The following PPP2R2C variants were observed in gnomAD, a reference collection of about 807,000 sequenced individuals.
The protein encoded by PPP2R2C is protein phosphatase 2 regulatory subunit Bgamma, also known as protein phosphatase 2, regulatory subunit B, gamma.
Under a neutral mutation model 45.3 loss-of-function variants are expected in PPP2R2C, and 10 were observed. The ratio of observed to expected loss-of-function variants is 0.22; its 90% CI spans 0.14 to 0.37. The LOEUF (loss-of-function observed/expected upper bound fraction) is 0.37, where lower values mean the gene tolerates loss of function less well. Ranked by LOEUF, PPP2R2C falls within the 10% of genes least tolerant of loss-of-function variation. The pLI is 1.00. For missense variants in PPP2R2C, 308 were observed against 619.7 expected (o/e 0.50, Z 5.34); for synonymous variants, 257 against 245.4 (o/e 1.05, Z -0.44).
chr4:6,522,831 GAGAC>G (rs1359694852), intron 2 of PPP2R2C, among the ~76,000 whole-genome samples: 3 of 152,248 alleles, frequency 2.0e-5, no homozygotes, highest in African/African-American at 7.2e-5. Context: ...GCCCAGGAGG[GAGAC>G]AGACAAACAG....
chr4:6,518,498 A>G (rs1024822303), intron 2 of PPP2R2C, among the ~76,000 whole-genome samples: 2 of 152,252 alleles, frequency 1.3e-5, no homozygotes, highest in Non-Finnish European at 2.9e-5. Context: ...TTCAAAGGAT[A>G]ATCAAGTAAC....
intron 2 of PPP2R2C, among the ~76,000 whole-genome samples, chr4:6,528,706 C>A (rs1724294677): frequency 6.6e-6 from 1 of 152,166 alleles, no homozygotes; most frequent in South Asian, 2.1e-4. Flanking sequence ...CATTCCACCA[C>A]AAAAGAAGTG....
intron 1 of PPP2R2C, among the ~76,000 whole-genome samples, chr4:6,422,632 C>T (rs545982982): frequency 6.6e-6 from 1 of 152,306 alleles, no homozygotes; most frequent in Non-Finnish European, 1.5e-5. Flanking sequence ...GCTGTCTTCT[C>T]CCTGTGTCTT....
chr4:6,382,911 A>G (rs1369135983), intron 1 of PPP2R2C: 1 of 1,087,954 alleles, frequency 9.2e-7, no homozygotes, highest in Admixed American at 4.9e-5. Flanking sequence ...AGCGGCTCCC[A>G]TTGTGTACTC....
intron 2 of PPP2R2C, 134 bp downstream of exon 2, chr4:6,380,863 G>C (rs1715726541): frequency 1.5e-6 from 2 of 1,343,904 alleles, no homozygotes; most frequent in South Asian, 3.3e-5. Flanking sequence ...TTGTGGGTTG[G>C]AGTATAGTCC....
At chr4:6,354,269 G>A (rs1712931209) in intron 5 of PPP2R2C, among the ~76,000 whole-genome samples, 1 of 151,772 alleles carries the variant, frequency 6.6e-6, no homozygotes. Flanking sequence ...TGCTGCCCCT[G>A]CCTGCTCTTC....
chr4:6,327,952 G>C (rs1030465714), intron 8 of PPP2R2C, among the ~76,000 whole-genome samples: 3 of 151,364 alleles, frequency 2.0e-5, no homozygotes, highest in Admixed American at 6.6e-5. Flanking sequence ...GCTCCCTCCT[G>C]GTCCTGTCTC....
chr4:6,399,136 G>A (rs1250128640), intron 1 of PPP2R2C, among the ~76,000 whole-genome samples: 3 of 152,188 alleles, frequency 2.0e-5, no homozygotes, highest in African/African-American at 7.2e-5. Context: ...CGTTTTGTGG[G>A]TGAAGGCCAT....
intron 1 of PPP2R2C, among the ~76,000 whole-genome samples, chr4:6,546,792 C>T (rs973108655): frequency 6.6e-6 from 1 of 152,238 alleles, no homozygotes; most frequent in African/African-American, 2.4e-5. Context: ...CAGCGACAGA[C>T]TTAAATCATG....
At chr4:6,437,382 C>A (rs1310987212) in intron 1 of PPP2R2C, among the ~76,000 whole-genome samples, 2 of 152,350 alleles carry the variant, frequency 1.3e-5, no homozygotes, top group East Asian at 1.9e-4. Flanking sequence ...GGATCTGAGA[C>A]AGAAGGCCTG....
chr4:6,487,556 G>C (rs1333400383), intron 2 of PPP2R2C, among the ~76,000 whole-genome samples: 5 of 151,948 alleles, frequency 3.3e-5, no homozygotes, highest in Admixed American at 3.3e-4. Flanking sequence ...TTATTTTCTA[G>C]AGAAATCTGC....
intron 1 of PPP2R2C, chr4:6,384,514 CA>C (rs1168591688): frequency 3.8e-5 from 37 of 976,112 alleles, no homozygotes; most frequent in Non-Finnish European, 4.1e-5. Context: ...GAGGTACAAT[CA>C]ATATATAAAA....
At chr4:6,341,814 A>G (rs1471146026) in intron 6 of PPP2R2C, among the ~76,000 whole-genome samples, 1 of 152,118 alleles carries the variant, frequency 6.6e-6, no homozygotes, top group Non-Finnish European at 1.5e-5. Flanking sequence ...TAGTAGCTGG[A>G]AAAGATCAGA....
intron 1 of PPP2R2C, among the ~76,000 whole-genome samples, chr4:6,423,963 G>A (rs183669501): frequency 1.5e-4 from 23 of 152,112 alleles, no homozygotes; most frequent in Non-Finnish European, 2.1e-4. Context: ...GACTGATTTC[G>A]TCCATTCACT....
At chr4:6,550,030 C>T (rs887947001) in intron 1 of PPP2R2C, among the ~76,000 whole-genome samples, 15 of 152,240 alleles carry the variant, frequency 9.9e-5, no homozygotes, top group Middle Eastern at 3.4e-3. Context: ...ACCTTGTCAC[C>T]GCAGCACGAG....
chr4:6,327,216 G>T (rs1235835887), intron 8 of PPP2R2C, among the ~76,000 whole-genome samples: 1 of 152,210 alleles, frequency 6.6e-6, no homozygotes, highest in Non-Finnish European at 1.5e-5. Context: ...CCCACCCATT[G>T]CGGGAGGCAA....
intron 7 of PPP2R2C, 69 bp downstream of exon 7, chr4:6,333,493 C>A: frequency 6.5e-7 from 1 of 1,541,984 alleles, no homozygotes; most frequent in Non-Finnish European, 8.8e-7. Flanking sequence ...CTAGGAAGGC[C>A]CCCTCCATGG....
intron 1 of PPP2R2C, among the ~76,000 whole-genome samples, chr4:6,468,125 C>T (rs932214325): frequency 6.6e-6 from 1 of 152,218 alleles, no homozygotes; most frequent in Non-Finnish European, 1.5e-5. Context: ...TCAGCTGCAA[C>T]GTCCACCATA....
At chr4:6,459,564 C>T (rs934415540) in intron 1 of PPP2R2C, among the ~76,000 whole-genome samples, 7 of 152,040 alleles carry the variant, frequency 4.6e-5, no homozygotes, top group East Asian at 1.9e-4. Context: ...AGGCCAAGAA[C>T]GGTGCACAAA....
Sources: gnomAD v4.1 joint callset for allele counts (sites outside exome capture counted in the v4.1 genomes callset) on GRCh38, gnomAD v4.1.1 for gene constraint, MANE v1.5 for transcripts, NCBI Gene and HGNC (gene_info 2026-07-23, HGNC 2026-07-21) for gene names.